ACSM1: variants seen among roughly 807,000 people sequenced by gnomAD.
ACSM1 encodes the protein acyl-coenzyme A synthetase ACSM1, mitochondrial.
In ACSM1, 79 loss-of-function variants were observed where a neutral mutation model predicts 75.8. The observed-to-expected ratio is 1.04, with a 90% CI of 0.87 to 1.26. The LOEUF is 1.26. Among genes scored for constraint, ACSM1 ranks in the 50% most tolerant of loss-of-function variants. The probability of loss-of-function intolerance (pLI) is 0.00; values close to 1 mark genes in which losing one functional copy is unlikely to be tolerated. For synonymous variants in ACSM1, 279 were observed against 265.8 expected, an observed-to-expected ratio of 1.05 and a Z score of -0.48; for missense variants, 676 against 720.1, an observed-to-expected ratio of 0.94 and a Z score of 0.70.
rs55684501 is a variant in ACSM1, at chr16:20,683,715, CTCTT to C, written c.404-1256_404-1253del. Among the ~76,000 whole-genome samples, 61 of 136,384 alleles carry C rather than the reference CTCTT, an allele frequency of 4.5e-4. 1 individual carries two copies. The highest frequency in any genetic ancestry group is 7.3e-3 in the Middle Eastern group (2 of 274). The allele number at this position is 136,384 out of a possible 152,430, so 89.5% of individuals were successfully genotyped here. A position where few individuals can be genotyped will look rare whatever the true frequency, so the allele number is the denominator to read the frequency against. On this transcript the variant is annotated intron_variant, in intron 3 of 13. Coordinates refer to ENST00000520010, the MANE Select transcript of ACSM1 (RefSeq NM_001318890.3). ...TCTTTCTTTCTTTCTCTCTCTCTCT[CTCTT>C]TCTTTCTTTCTTTCTTTCTTTTTGT...
chr16:20,637,270 G>T (rs1397848987), intron 9 of ACSM1, 101 bp downstream of exon 9: 2 of 870,488 alleles, frequency 2.3e-6, no homozygotes, highest in Admixed American at 1.8e-5. Flanking sequence ...GAGGAAGGAT[G>T]ACTGGAGCAG....
intron 4 of ACSM1, chr16:20,679,624 G>A (rs1184067041): frequency 6.6e-6 from 1 of 152,130 alleles, no homozygotes; most frequent in East Asian, 1.9e-4. Context: ...ACTAGAAGGG[G>A]AGAAATCTCT....
At chr16:20,654,205 T>C (rs1293208072) in intron 7 of ACSM1, among the ~76,000 whole-genome samples, 1 of 152,176 alleles carries the variant, frequency 6.6e-6, no homozygotes, top group Non-Finnish European at 1.5e-5. Flanking sequence ...TAGCCATATG[T>C]AGAAAGCTGA....
At chr16:20,636,677 G>T in intron 10 of ACSM1, 62 bp downstream of exon 10, 1 of 1,213,486 alleles carries the variant, frequency 8.2e-7, no homozygotes, top group Non-Finnish European at 1.2e-6. Context: ...AGAAGCCTCA[G>T]GATGCAGAGC....
intron 2 of ACSM1, among the ~76,000 whole-genome samples, chr16:20,686,319 A>AAAC (rs1443286380): frequency 6.6e-6 from 1 of 152,162 alleles, no homozygotes; most frequent in Non-Finnish European, 1.5e-5. Context: ...CTACCTACAG[A>AAAC]AACAACAGAT....
intron 10 of ACSM1, among the ~76,000 whole-genome samples, chr16:20,635,578 CTT>C (rs879711009): frequency 0.016 from 2,312 of 145,852 alleles, 34 homozygotes; most frequent in Middle Eastern, 0.047. Flanking sequence ...TTTAATTTTT[CTT>C]TTTCTTTCTT....
chr16:20,676,240 A>C (rs765749671), intron 4 of ACSM1: 4 of 152,234 alleles, frequency 2.6e-5, no homozygotes, highest in Non-Finnish European at 5.9e-5. Context: ...AGAGGACAAG[A>C]GGACACCCAC....
At chr16:20,685,147 T>C (rs562449621) in intron 3 of ACSM1, 46 bp downstream of exon 3, 1 of 1,606,586 alleles carries the variant, frequency 6.2e-7, no homozygotes, top group Admixed American at 1.7e-5. Flanking sequence ...ACCCATTGGT[T>C]CTAGAACAGC....
At chr16:20,682,228 G>A (rs1567307072) in intron 4 of ACSM1, 28 bp downstream of exon 4, 1 of 1,605,130 alleles carries the variant, frequency 6.2e-7, no homozygotes, top group Non-Finnish European at 8.5e-7. Flanking sequence ...TGTACTCAGA[G>A]ATTATATTCA....
chr16:20,689,057 A>G (rs1344392468), intron 2 of ACSM1, among the ~76,000 whole-genome samples: 1 of 150,090 alleles, frequency 6.7e-6, no homozygotes, highest in Non-Finnish European at 1.5e-5. Flanking sequence ...AATGTTAATT[A>G]AGCAATATAC....
At chr16:20,661,370 T>C (rs894559612) in intron 7 of ACSM1, among the ~76,000 whole-genome samples, 40 of 152,146 alleles carry the variant, frequency 2.6e-4, no homozygotes, top group African/African-American at 9.4e-4. Flanking sequence ...AGGTAAATTA[T>C]AAAGGCAAGT....
At chr16:20,625,612 C>T in intron 11 of ACSM1, 90 bp from the exon 12 acceptor site, 1 of 1,227,848 alleles carries the variant, frequency 8.1e-7, no homozygotes, top group South Asian at 1.4e-5. Flanking sequence ...CTTCCTTTGG[C>T]ACAGAGGGTG....
chr16:20,682,481 A>G lies in ACSM1; in HGVS notation c.404-18T>C, dbSNP rs772551323. 13 of 1,606,328 alleles carry G rather than the reference A, an allele frequency of 8.1e-6. No homozygotes were observed. The Admixed American group carries it at 2.2e-4, about 27-fold the overall frequency. On this transcript the variant is annotated intron_variant, in intron 3 of 13. Coordinates refer to ENST00000520010, the MANE Select transcript of ACSM1 (RefSeq NM_001318890.3). ...GATGATCCCTGGGGATGAGAAAGGA[A>G]CTGATTGTTTTGGTTTCTTTTTCAC... is the stretch of plus-strand genomic sequence containing the variant.
In ACSM1 at chr16:20,691,114, T is replaced by A. The variant is rs2079645907; in HGVS notation, c.75A>T (p.Ser25=). 1 of 1,613,664 alleles carries A rather than the reference T, an allele frequency of 6.2e-7. No individual in the cohort carries two copies. ...KSFHNIHPAP[S]QLRCRSLSEF... ...CTGATAAAGACCGGCAGCGCAGCTGTGAAGGGGCAGGGTGGATGTTGTGGA... is the reference window on the plus strand; with the variant it reads ...CTGATAAAGACCGGCAGCGCAGCTGAGAAGGGGCAGGGTGGATGTTGTGGA... The change falls in exon 2 of 14, where the codon TCA becomes TCT. Residue 25 remains serine (S), a synonymous_variant. Coordinates refer to ENST00000520010, the MANE Select transcript of ACSM1 (RefSeq NM_001318890.3).
In ACSM1 at chr16:20,691,075, T is replaced by C; in HGVS notation, c.114A>G (p.Pro38=). ...RCRSLSEFGA[P]RWNDYEVPEE... is the part of the protein sequence containing the mutation. Reference sequence around the variant, plus strand: ...CCGGTACTTCATAGTCATTCCATCTTGGGGCTCCAAATTCTGATAAAGACC... The same window carrying C: ...CCGGTACTTCATAGTCATTCCATCTCGGGGCTCCAAATTCTGATAAAGACC... Residue 38 remains proline (P), a synonymous_variant, in exon 2 of 14, where the codon CCA becomes CCG. Coordinates refer to ENST00000520010, the MANE Select transcript of ACSM1 (RefSeq NM_001318890.3). 2.5e-6 allele frequency: 4 copies of C among 1,613,804 alleles called. No individual in the cohort carries two copies. The highest frequency in any genetic ancestry group is 3.4e-6 in the Non-Finnish European group (4 of 1,179,858).
At chr16:20,624,884 AT>A (rs2016820752) in intron 12 of ACSM1, among the ~76,000 whole-genome samples, 1 of 151,262 alleles carries the variant, frequency 6.6e-6, no homozygotes, top group Non-Finnish European at 1.5e-5. Context: ...CACCTGGCTA[AT>A]TTTTTTTGTA....
In ACSM1 at chr16:20,635,231, CA is replaced by C. The variant is rs375437768; in HGVS notation, c.1299+1507del. ...GCAACATAGTGAGACCTTATCTCTA[CA>C]AAAAATCAAAAAATTAGCTGGGCAT... On this transcript the variant is annotated intron_variant, in intron 10 of 13. Coordinates refer to ENST00000520010, the MANE Select transcript of ACSM1 (RefSeq NM_001318890.3). Among the ~76,000 whole-genome samples, 80 of 152,090 alleles carry C rather than the reference CA, an allele frequency of 5.3e-4. 1 individual carries two copies. The East Asian group carries it at 0.014, about 27-fold the overall frequency.
chr16:20,648,700 T>TCCAGCC lies in ACSM1; in HGVS notation c.993-8117_993-8116insGGCTGG, dbSNP rs1596838635. On this transcript the variant is annotated intron_variant, in intron 7 of 13. Coordinates refer to ENST00000520010, the MANE Select transcript of ACSM1 (RefSeq NM_001318890.3). This position sits in a 1 kb window ranked among gnomAD's most constrained non-coding sequence, Gnocchi z 4.2. ...TATCCTAACCCTCTCTTTTATTGAT[T>TCCAGCC]CCAGGTCTTTAGATAAACTCAACCA... Among the ~76,000 whole-genome samples the TCCAGCC allele has an allele frequency of 6.6e-6, 1 of 152,232 alleles. No homozygotes were observed. The highest frequency in any genetic ancestry group is 1.9e-4 in the East Asian group (1 of 5,202).
chr16:20,674,485 G>T, intron 4 of ACSM1: 1 of 152,240 alleles, frequency 6.6e-6, no homozygotes, highest in African/African-American at 2.5e-5. Flanking sequence ...AAGGTAACCT[G>T]ACTCTTTGTT....
Sources: allele counts gnomAD v4.1 joint callset (sites outside exome capture counted in the v4.1 genomes callset), GRCh38; gene constraint gnomAD v4.1.1; non-coding constraint Gnocchi (gnomAD v3.1); transcripts MANE v1.5; gene names NCBI Gene and HGNC (gene_info 2026-07-23, HGNC 2026-07-21).